The following PSD variants were observed in gnomAD, a reference collection of about 807,000 sequenced individuals.
The protein encoded by PSD is pleckstrin and Sec7 domain containing.
A neutral mutation model predicts 91.6 loss-of-function variants in PSD; 32 were observed. The observed-to-expected ratio is 0.35, with a 90% CI of 0.26 to 0.47. The LOEUF is 0.47. PSD is among the 20% of genes least tolerant of loss of function. The pLI is 1.00. For synonymous variants in PSD, 532 were observed against 569.3 expected, an observed-to-expected ratio of 0.93 and a Z score of 0.93; for missense variants, 1,099 against 1,373.9, an observed-to-expected ratio of 0.80 and a Z score of 3.16.
At chr10:102,418,456 C>T (rs2061512163) in intron 1 of PSD, among the ~76,000 whole-genome samples, 1 of 152,050 alleles carries the variant, frequency 6.6e-6, no homozygotes, top group Non-Finnish European at 1.5e-5. Context: ...CCGTCCCCTC[C>T]CCCCCACCTA....
chr10:102,405,578 G>C lies in PSD; in HGVS notation c.2136-42C>G. On this transcript the variant is annotated intron_variant, in intron 11 of 16. Coordinates refer to ENST00000020673, the MANE Select transcript of PSD (RefSeq NM_002779.5). This position sits in a 1 kb window ranked among gnomAD's most constrained non-coding sequence, Gnocchi z 5.4. ...CTCAGAGGGGGCTGGCCATGGAGCC[G>C]CGGCCCCCGCTTCAGTTCTGGCCTC... 1 of 1,560,148 alleles carries C rather than the reference G, an allele frequency of 6.4e-7. No individual in the cohort carries two copies. Among genetic ancestry groups the C allele is most frequent in the Non-Finnish European group, 8.7e-7 (1 of 1,145,500 alleles).
upstream of PSD, chr10:102,419,014 C>T (rs990151948): frequency 3.7e-5 from 12 of 328,596 alleles, no homozygotes; most frequent in Middle Eastern, 3.4e-3. The surrounding 1 kb of genome is among the most constrained non-coding windows in gnomAD (Gnocchi z 4.8). Flanking sequence ...CCTCACGTGC[C>T]CCACCCCACT....
chr10:102,413,439 A>C (rs563093441), intron 5 of PSD, among the ~76,000 whole-genome samples: 1 of 152,302 alleles, frequency 6.6e-6, no homozygotes, highest in Non-Finnish European at 1.5e-5. Context: ...GGGTAAGGTC[A>C]CAAGAATTCT....
chr10:102,409,144 G>T lies in PSD; in HGVS notation c.2091+1714C>A. Reference sequence around the variant, plus strand: ...CCCGGCCATGCCCCCGTCCGCCCTCGGCCCCCGGGCCGCCCGGACGGCCCG... The same window carrying T: ...CCCGGCCATGCCCCCGTCCGCCCTCTGCCCCCGGGCCGCCCGGACGGCCCG... On this transcript the variant is annotated intron_variant, in intron 10 of 16. Coordinates refer to ENST00000020673, the MANE Select transcript of PSD (RefSeq NM_002779.5). The surrounding 1 kb of genome is among the most constrained non-coding windows in gnomAD (Gnocchi z 5.7). 1 of 980,702 alleles carries T rather than the reference G, an allele frequency of 1.0e-6. No homozygotes were observed. Among genetic ancestry groups the T allele is most frequent in the African/African-American group, 1.8e-5 (1 of 56,822 alleles). 60.8% of individuals were successfully genotyped at this position (980,702 alleles called of 1,614,324 possible). A position where few individuals can be genotyped will look rare whatever the true frequency, so the allele number is the denominator to read the frequency against.
rs1299566955 is a variant in PSD at position 102,416,381 on chromosome 10, A to C, written c.654+4T>G. 1.3e-6 allele frequency: 2 copies of C among 1,593,978 alleles called. No individual in the cohort carries two copies. The highest frequency in any genetic ancestry group is 3.6e-5 in the Admixed American group (2 of 55,438). On this transcript the variant is annotated splice_donor_region_variant and intron_variant, in intron 2 of 16. Transcript: ENST00000020673. This position sits in a 1 kb window ranked among gnomAD's most constrained non-coding sequence, Gnocchi z 6.0. ...GCCCAGGGAGCCCAGGGGAAGTTGC[A>C]TACCTGGTTCAGGAATCCAGTGTCA...
intron 5 of PSD, 22 bp downstream of exon 5, chr10:102,413,747 A>C: frequency 6.3e-7 from 1 of 1,588,092 alleles, no homozygotes; most frequent in Non-Finnish European, 8.6e-7. Context: ...CTCAAGTCTG[A>C]GGGACAAAAG....
At position 102,414,063 on chromosome 10, in the gene PSD, T is replaced by A. The variant is rs2061450675; in HGVS notation, c.1259A>T (p.Tyr420Phe). 6.2e-7 allele frequency: 1 copy of A among 1,613,972 alleles called. No homozygotes were observed. Among genetic ancestry groups the A allele is most frequent in the Non-Finnish European group, 8.5e-7 (1 of 1,179,972 alleles). The change falls in exon 5 of 17, where the codon TAT becomes TTT. Residue 420 changes from tyrosine to phenylalanine, a missense_variant. Tyr to Phe is a conservative substitution (Grantham distance 22). Coordinates refer to ENST00000020673, the MANE Select transcript of PSD (RefSeq NM_002779.5). The surrounding 1 kb of genome is among the most constrained non-coding windows in gnomAD (Gnocchi z 5.6). ...GGCCTCCAGCGAGGCGAGGCTGGTATAGGAGGTGCCTTTGGCCCGGTGTGA... is the reference window on the plus strand; with the variant it reads ...GGCCTCCAGCGAGGCGAGGCTGGTAAAGGAGGTGCCTTTGGCCCGGTGTGA... ...LESHRAKGTS[Y>F]TSLASLEALA... is the part of the protein sequence containing the mutation.
chr10:102,419,940 G>T (rs533011259), upstream of PSD: 52 of 286,182 alleles, frequency 1.8e-4, no homozygotes, highest in East Asian at 3.3e-3. This position sits in a 1 kb window ranked among gnomAD's most constrained non-coding sequence, Gnocchi z 4.8. Context: ...TTGCGGGGTG[G>T]GGAAACGTGG....
chr10:102,404,527 GC>G lies in PSD; in HGVS notation c.2700+55del. 1 of 1,572,136 alleles carries G rather than the reference GC, an allele frequency of 6.4e-7. No homozygotes were observed. On this transcript the variant is annotated intron_variant, in intron 15 of 16. Coordinates refer to ENST00000020673, the MANE Select transcript of PSD (RefSeq NM_002779.5). This position sits in a 1 kb window ranked among gnomAD's most constrained non-coding sequence, Gnocchi z 5.7. Reference sequence around the variant, plus strand: ...CACGCAGCAGCCTTGAGTGCAGTGGGCCTGAGCCTAACACCCTCCATCCCAC... The same window carrying G: ...CACGCAGCAGCCTTGAGTGCAGTGGGCTGAGCCTAACACCCTCCATCCCAC...
chr10:102,411,720 G>A lies in PSD; in HGVS notation c.1929C>T (p.Ala643=). The change falls in exon 8 of 17, where the codon GCC becomes GCT. Residue 643 remains alanine (A), a synonymous_variant. Coordinates refer to ENST00000020673, the MANE Select transcript of PSD (RefSeq NM_002779.5). ...SQRYFQCNPE[A]LSSEDGAHTL... ...GGAACTCCTCACCCTCTGAGGACAG[G>A]GCTTCAGGATTGCACTGGAAGTATC... 1.2e-6 allele frequency: 2 copies of A among 1,613,124 alleles called. No individual in the cohort carries two copies. The highest frequency in any genetic ancestry group is 1.3e-5 in the African/African-American group (1 of 75,040).
chr10:102,418,249 G>T (rs906253717), intron 1 of PSD, among the ~76,000 whole-genome samples: 6 of 151,986 alleles, frequency 3.9e-5, no homozygotes, highest in African/African-American at 1.4e-4. Context: ...TAATGAAAAG[G>T]CACATGCTTG....
At position 102,417,064 on chromosome 10, in the gene PSD, G is replaced by T; in HGVS notation, c.-26C>A. 2 of 1,465,194 alleles carry T rather than the reference G, an allele frequency of 1.4e-6. No individual in the cohort carries two copies. Among genetic ancestry groups the T allele is most frequent in the Non-Finnish European group, 1.8e-6 (2 of 1,088,510 alleles). The allele number at this position is 1,465,194 out of a possible 1,614,324, so 90.8% of individuals were successfully genotyped here. A position where few individuals can be genotyped will look rare whatever the true frequency, so the allele number is the denominator to read the frequency against. ...GCTGGGGCCGGGGGTCAGGCTGGGG[G>T]GGCAGGGATGGCGAGGCCAGGCGGG... On this transcript the variant is annotated 5_prime_UTR_variant, in exon 2 of 17. Coordinates refer to ENST00000020673, the MANE Select transcript of PSD (RefSeq NM_002779.5).
At position 102,416,458 on chromosome 10, in the gene PSD, T is replaced by C. The variant is rs577209821; in HGVS notation, c.581A>G (p.Asn194Ser). 93 of 1,613,114 alleles carry C rather than the reference T, an allele frequency of 5.8e-5. No homozygotes were observed. The highest frequency in any genetic ancestry group is 6.6e-5 in the South Asian group (6 of 90,936). Residue 194 changes from asparagine to serine, a missense_variant, in exon 2 of 17, where the codon AAT becomes AGT. Around this residue, in one of 3 missense-constraint regions of PSD, gnomAD observed 631 missense variants for 728.8 expected, o/e 0.87. Coordinates refer to ENST00000020673, the MANE Select transcript of PSD (RefSeq NM_002779.5). The surrounding 1 kb of genome is among the most constrained non-coding windows in gnomAD (Gnocchi z 6.0). ...GADGLYSSLP[N>S]GLGGPPERLA... ...GCGCTCAGGGGGGCCCCCCAGCCCA[T>C]TGGGGAGAGAGGAGTAAAGGCCATC...
Position 102,405,168 on chromosome 10 carries a change from G to C in PSD, c.2397+15C>G, listed in dbSNP as rs1320664768. The C allele has an allele frequency of 1.2e-6, 2 of 1,610,290 alleles. No homozygotes were observed. The highest frequency in any genetic ancestry group is 1.3e-5 in the African/African-American group (1 of 74,704). On this transcript the variant is annotated intron_variant, in intron 13 of 16. Transcript: ENST00000020673. The surrounding 1 kb of genome is among the most constrained non-coding windows in gnomAD (Gnocchi z 5.4). The stretch of plus-strand genomic sequence containing the variant: ...AACTCAGTCCCAGCCCCAGCCCCCT[G>C]GCCTGACCCCGCACCTTCTGCAGGT...
At chr10:102,407,355 GC>G in intron 10 of PSD, 89 bp from the exon 11 acceptor site, 1 of 847,876 alleles carries the variant, frequency 1.2e-6, no homozygotes, top group Non-Finnish European at 1.7e-6. Flanking sequence ...TGAGAGATGA[GC>G]CAGAACTAAG....
chr10:102,408,679 A>G (rs2061390209), intron 10 of PSD, among the ~76,000 whole-genome samples: 1 of 152,044 alleles, frequency 6.6e-6, no homozygotes, highest in African/African-American at 2.4e-5. Context: ...CGCAAGTCAT[A>G]TTCAATCTAG....
Position 102,410,621 on chromosome 10 carries a change from C to T in PSD, c.2091+237G>A, listed in dbSNP as rs1185364830. On this transcript the variant is annotated intron_variant, in intron 10 of 16. Coordinates refer to ENST00000020673, the MANE Select transcript of PSD (RefSeq NM_002779.5). The surrounding 1 kb of genome is among the most constrained non-coding windows in gnomAD (Gnocchi z 6.0). Reference sequence around the variant, plus strand: ...GCTCGCGTTTTCCAGAGCCGGGTCCCCTCCCCCGCCGTGCGCAGTCGCGAC... The same window carrying T: ...GCTCGCGTTTTCCAGAGCCGGGTCCTCTCCCCCGCCGTGCGCAGTCGCGAC... 1.3e-5 allele frequency among the ~76,000 whole-genome samples: 2 copies of T among 152,328 alleles called. No homozygotes were observed. The highest frequency in any genetic ancestry group is 2.1e-4 in the South Asian group (1 of 4,830).
rs867348726 is a variant in PSD, at chr10:102,412,017, T to C, written c.1829+130A>G. On this transcript the variant is annotated intron_variant, in intron 7 of 16. Transcript: ENST00000020673. ...ACCAGGCAGCTCTGGCCCTTGGCCA[T>C]GCCCAGCCATCTTGGGAAGGGTGAT... 4.7e-5 allele frequency: 54 copies of C among 1,147,234 alleles called. No individual in the cohort carries two copies. The Middle Eastern group carries it at 9.4e-4, about 20-fold the overall frequency. 71.1% of individuals were successfully genotyped at this position (1,147,234 alleles called of 1,614,324 possible).
At position 102,405,283 on chromosome 10, in the gene PSD, C is replaced by T; in HGVS notation, c.2327-30G>A. The T allele has an allele frequency of 6.2e-7, 1 of 1,609,814 alleles. No homozygotes were observed. Among genetic ancestry groups the T allele is most frequent in the Non-Finnish European group, 8.5e-7 (1 of 1,179,872 alleles). On this transcript the variant is annotated intron_variant, in intron 12 of 16. Coordinates refer to ENST00000020673, the MANE Select transcript of PSD (RefSeq NM_002779.5). This position sits in a 1 kb window ranked among gnomAD's most constrained non-coding sequence, Gnocchi z 5.4. ...GGGGAGAGAAGACAGGTCAGGGGGC[C>T]CTGGAACAGGCCCACTCCCATCCAT... is the stretch of plus-strand genomic sequence containing the variant.
Sources: gnomAD v4.1 joint callset for allele counts (sites outside exome capture counted in the v4.1 genomes callset) on GRCh38, gnomAD v4.1.1 for gene constraint, gnomAD v4.1.1 regional missense constraint, Gnocchi (gnomAD v3.1) non-coding constraint, MANE v1.5 for transcripts, NCBI Gene and HGNC (gene_info 2026-07-23, HGNC 2026-07-21) for gene names.